PDE5A: variants seen among roughly 807,000 people sequenced by gnomAD.
PDE5A encodes phosphodiesterase 5A.
Under a neutral mutation model 110.2 loss-of-function variants are expected in PDE5A, and 67 were observed. That is an observed-to-expected ratio of 0.61 (90% CI 0.50 to 0.75). The LOEUF (loss-of-function observed/expected upper bound fraction) is 0.75. PDE5A is among the 30% of genes least tolerant of loss of function. PDE5A has a pLI of 0.00. For missense variants in PDE5A, 862 were observed against 1,045.1 expected (o/e 0.82, Z 2.42); for synonymous variants, 328 against 351.2 (o/e 0.93, Z 0.74).
At chr4:119,598,686 T>C (rs1176782344) in intron 2 of PDE5A, among the ~76,000 whole-genome samples, 1 of 152,164 alleles carries the variant, frequency 6.6e-6, no homozygotes, top group Non-Finnish European at 1.5e-5. Context: ...CATAAGTAAT[T>C]GCCATTCAAC....
intron 15 of PDE5A, among the ~76,000 whole-genome samples, chr4:119,509,809 C>T (rs981579723): frequency 2.6e-5 from 4 of 151,954 alleles, no homozygotes; most frequent in African/African-American, 9.7e-5. Context: ...TTGAGGGAGG[C>T]GTGAGAGTGT....
chr4:119,552,605 G>A lies in PDE5A; in HGVS notation c.1341C>T (p.Cys447=), dbSNP rs767002344. The A allele has an allele frequency of 6.5e-7, 1 of 1,547,774 alleles. No individual in the cohort carries two copies. Among genetic ancestry groups the A allele is most frequent in the East Asian group, 2.4e-5 (1 of 42,544 alleles). ...TENTGNVNQQ[C]IRSLLCTPIK... ...TAGGTGTACAAAGCAAACTTCTAAT[G>A]CACTGCTGGTTTACATTTCCTGTAT... Residue 447 remains cysteine, a synonymous_variant, in exon 9 of 21, where the codon TGC becomes TGT. Transcript: ENST00000354960.
intron 3 of PDE5A, among the ~76,000 whole-genome samples, chr4:119,574,858 T>C (rs768591532): frequency 2.0e-5 from 3 of 152,220 alleles, no homozygotes; most frequent in African/African-American, 4.8e-5. Context: ...CAGAACAGTG[T>C]TGCCCATGGG....
At chr4:119,619,773 T>G (rs1345446773) in intron 1 of PDE5A, among the ~76,000 whole-genome samples, 1 of 152,188 alleles carries the variant, frequency 6.6e-6, no homozygotes, top group African/African-American at 2.4e-5. Context: ...CCTTTAATTT[T>G]CTAATGAACA....
chr4:119,608,943 T>C (rs1578824300), intron 1 of PDE5A, among the ~76,000 whole-genome samples: 1 of 151,896 alleles, frequency 6.6e-6, no homozygotes, highest in South Asian at 2.1e-4. Flanking sequence ...GGGCGGATCA[T>C]GAGGTCAGGA....
intron 11 of PDE5A, among the ~76,000 whole-genome samples, chr4:119,528,298 C>T (rs1371207190): frequency 6.6e-6 from 1 of 151,988 alleles, no homozygotes; most frequent in Non-Finnish European, 1.5e-5. Flanking sequence ...CAACTCTGGA[C>T]ATGAAAAGTC....
intron 14 of PDE5A, among the ~76,000 whole-genome samples, chr4:119,511,723 T>G (rs999498763): frequency 7.2e-5 from 11 of 152,070 alleles, no homozygotes; most frequent in Non-Finnish European, 1.3e-4. Flanking sequence ...GTTCCCCATG[T>G]AGGATCCAGG....
intron 3 of PDE5A, among the ~76,000 whole-genome samples, chr4:119,574,396 T>C (rs1230658193): frequency 1.3e-5 from 2 of 151,882 alleles, no homozygotes; most frequent in African/African-American, 2.4e-5. Context: ...TTGGTTAGGC[T>C]AGTCTCAAAC....
intron 2 of PDE5A, among the ~76,000 whole-genome samples, chr4:119,598,503 T>C (rs1352956093): frequency 6.6e-6 from 1 of 152,196 alleles, no homozygotes; most frequent in East Asian, 1.9e-4. Context: ...ATTGTGATTA[T>C]TCCTTTCACT....
At chr4:119,498,799 A>G in intron 20 of PDE5A, 61 bp from the exon 21 acceptor site, 1 of 1,587,200 alleles carries the variant, frequency 6.3e-7, no homozygotes, top group Non-Finnish European at 8.6e-7. Flanking sequence ...CCTCTCCCAC[A>G]GGCCTGTTAC....
chr4:119,547,346 T>A (rs1183641467), intron 9 of PDE5A, among the ~76,000 whole-genome samples: 4 of 151,868 alleles, frequency 2.6e-5, no homozygotes, highest in Non-Finnish European at 5.9e-5. Context: ...ATCCTCATTA[T>A]CCGTTGGAGG....
At chr4:119,530,413 C>CT (rs1726487342) in intron 11 of PDE5A, among the ~76,000 whole-genome samples, 1 of 152,104 alleles carries the variant, frequency 6.6e-6, no homozygotes, top group South Asian at 2.1e-4. Flanking sequence ...AAATCACAGA[C>CT]TTGCCACATC....
intron 6 of PDE5A, among the ~76,000 whole-genome samples, chr4:119,562,524 A>G (rs746463274): frequency 4.6e-5 from 7 of 152,052 alleles, no homozygotes; most frequent in Non-Finnish European, 1.0e-4. Context: ...ATGACAATAT[A>G]TTTCTCCATG....
At position 119,498,566 on chromosome 4, in the gene PDE5A, C is replaced by T. The variant is rs754510796; in HGVS notation, c.*35G>A. On this transcript the variant is annotated 3_prime_UTR_variant, in exon 21 of 21. Coordinates refer to ENST00000354960, the MANE Select transcript of PDE5A (RefSeq NM_001083.4). ...CTAGGCATATTGCAGAACACACCATCTCTGTAAACTTCAACTCTGCATGAA... is the reference window on the plus strand; with the variant it reads ...CTAGGCATATTGCAGAACACACCATTTCTGTAAACTTCAACTCTGCATGAA... 2 of 1,612,642 alleles carry T rather than the reference C, an allele frequency of 1.2e-6. No individual in the cohort carries two copies. Among genetic ancestry groups the T allele is most frequent in the Admixed American group, 1.7e-5 (1 of 59,976 alleles).
rs886090198 is a variant in PDE5A, at chr4:119,606,967, A to T, written c.483T>A (p.Ser161Arg). 1.2e-6 allele frequency: 2 copies of T among 1,614,072 alleles called. No homozygotes were observed. The highest frequency in any genetic ancestry group is 8.5e-7 in the Non-Finnish European group (1 of 1,180,034). The change falls in exon 2 of 21, where the codon AGT becomes AGA. Residue 161 changes from serine to arginine, a missense_variant. Coordinates refer to ENST00000354960, the MANE Select transcript of PDE5A (RefSeq NM_001083.4). ...GACATAAGGCTGTGACATCCAAATG[A>T]CTAGAAATATCCTTCACTAATTCCA... ...RLLELVKDIS[S>R]HLDVTALCHK... is the part of the protein sequence containing the mutation.
intron 11 of PDE5A, among the ~76,000 whole-genome samples, chr4:119,534,965 C>T (rs1241351932): frequency 1.3e-5 from 2 of 152,188 alleles, no homozygotes; most frequent in Non-Finnish European, 2.9e-5. Context: ...GCTATAAGGA[C>T]TGAACTGAAA....
chr4:119,500,145 G>A (rs1299221259), intron 20 of PDE5A: 1 of 152,064 alleles, frequency 6.6e-6, no homozygotes, highest in East Asian at 1.9e-4. Flanking sequence ...AGATGTCCAA[G>A]TGTTTGAAAC....
At chr4:119,585,857 C>T (rs1214129537) in intron 3 of PDE5A, among the ~76,000 whole-genome samples, 2 of 152,136 alleles carry the variant, frequency 1.3e-5, no homozygotes, top group East Asian at 3.9e-4. Flanking sequence ...TCTCAAATTG[C>T]TCACTCTGGA....
At chr4:119,505,421 G>T (rs1430069978) in intron 17 of PDE5A, among the ~76,000 whole-genome samples, 1 of 151,928 alleles carries the variant, frequency 6.6e-6, no homozygotes, top group Non-Finnish European at 1.5e-5. Context: ...TAATCATAGA[G>T]ACTTAATAGT....
Sources: gnomAD v4.1 joint callset for allele counts (sites outside exome capture counted in the v4.1 genomes callset) on GRCh38, gnomAD v4.1.1 for gene constraint, MANE v1.5 for transcripts, NCBI Gene and HGNC (gene_info 2026-07-23, HGNC 2026-07-21) for gene names.